CDH22: variants seen among roughly 807,000 people sequenced by gnomAD.
CDH22 encodes cadherin 22.
Under a neutral mutation model 58.4 loss-of-function variants are expected in CDH22, and 30 were observed. The observed-to-expected ratio is 0.51, with a 90% CI of 0.38 to 0.70. The LOEUF (loss-of-function observed/expected upper bound fraction) is 0.70. Ranked by LOEUF, CDH22 falls within the 30% of genes least tolerant of loss-of-function variation. CDH22 has a pLI of 0.00. For missense variants in CDH22, 1,014 were observed against 1,233.9 expected (o/e 0.82, Z 2.67); for synonymous variants, 513 against 558.2 (o/e 0.92, Z 1.14).
chr20:46,277,667 G>T, intron 1 of CDH22, among the ~76,000 whole-genome samples: 1 of 151,978 alleles, frequency 6.6e-6, no homozygotes, highest in Admixed American at 6.5e-5. Context: ...AGGAGGGCCC[G>T]CCCCCCACTG....
chr20:46,299,566 A>C (rs1418067673), intron 1 of CDH22, among the ~76,000 whole-genome samples: 2 of 152,248 alleles, frequency 1.3e-5, no homozygotes, highest in Admixed American at 6.5e-5. Context: ...AAGGGAAAAC[A>C]ATAAGGGCAC....
intron 1 of CDH22, among the ~76,000 whole-genome samples, chr20:46,262,310 G>A (rs934157695): frequency 2.0e-5 from 3 of 152,074 alleles, no homozygotes; most frequent in Non-Finnish European, 4.4e-5. Context: ...AAAGGTGGAA[G>A]GTCAGGGGAG....
intron 2 of CDH22, among the ~76,000 whole-genome samples, chr20:46,249,111 T>C (rs1022528922): frequency 7.9e-5 from 12 of 152,240 alleles, no homozygotes; most frequent in Non-Finnish European, 4.4e-5. Flanking sequence ...GCCCCTGTTT[T>C]TACAGATGAA....
At position 46,210,351 on chromosome 20, in the gene CDH22, G is replaced by A. The variant is rs1420297759; in HGVS notation, c.1242C>T (p.Gly414=). ...QEDAQVGSLV[G]VVTARDPDAA... ...CGTCGGGGTCCCGCGCCGTCACCAC[G>A]CCGACCAGGGAGCCCACCTGCGCGT... The change falls in exon 7 of 12, where the codon GGC becomes GGT. Residue 414 remains glycine, a synonymous_variant. Transcript: ENST00000537909. This position sits in a 1 kb window ranked among gnomAD's most constrained non-coding sequence, Gnocchi z 4.5. The A allele has an allele frequency of 2.1e-5, 31 of 1,467,414 alleles. No homozygotes were observed. The highest frequency in any genetic ancestry group is 9.8e-5 in the Admixed American group (4 of 40,988). The allele number at this position is 1,467,414 out of a possible 1,614,324, so 90.9% of individuals were successfully genotyped here. A position where few individuals can be genotyped will look rare whatever the true frequency, so the allele number is the denominator to read the frequency against.
intron 4 of CDH22, among the ~76,000 whole-genome samples, chr20:46,220,248 C>T (rs1447719223): frequency 1.3e-5 from 2 of 150,896 alleles, no homozygotes; most frequent in Non-Finnish European, 3.0e-5. Flanking sequence ...CAGAAAGAGA[C>T]AGTAAGAGAG....
intron 3 of CDH22, among the ~76,000 whole-genome samples, chr20:46,240,166 A>G (rs2086279587): frequency 6.6e-6 from 1 of 151,828 alleles, no homozygotes; most frequent in Non-Finnish European, 1.5e-5. Flanking sequence ...TGCCTGTCTC[A>G]TTCATCTGCC....
At chr20:46,237,454 C>T (rs190172641) in intron 3 of CDH22, among the ~76,000 whole-genome samples, 1 of 152,336 alleles carries the variant, frequency 6.6e-6, no homozygotes, top group East Asian at 1.9e-4. Context: ...TTGTCGGCCC[C>T]GCCCTCCACA....
At chr20:46,303,184 A>C (rs2086659713) in intron 1 of CDH22, among the ~76,000 whole-genome samples, 1 of 151,898 alleles carries the variant, frequency 6.6e-6, no homozygotes, top group Non-Finnish European at 1.5e-5. Flanking sequence ...CCTGAACCCC[A>C]ACCTCTGTGT....
At chr20:46,270,752 A>G (rs563183278) in intron 1 of CDH22, among the ~76,000 whole-genome samples, 2 of 152,320 alleles carry the variant, frequency 1.3e-5, no homozygotes, top group African/African-American at 4.8e-5. Context: ...TCCAAGGAGA[A>G]GTCCAGGCTG....
intron 8 of CDH22, among the ~76,000 whole-genome samples, chr20:46,197,937 TG>T (rs1477699285): frequency 2.9e-4 from 44 of 151,926 alleles, no homozygotes; most frequent in African/African-American, 9.9e-4. Flanking sequence ...AGGAGGGGCC[TG>T]GGGCAGAGGG....
At chr20:46,225,575 G>A (rs2086165318) in intron 4 of CDH22, among the ~76,000 whole-genome samples, 1 of 152,174 alleles carries the variant, frequency 6.6e-6, no homozygotes, top group African/African-American at 2.4e-5. Context: ...TGGTTGCCTT[G>A]GGGATACAGA....
chr20:46,283,024 C>T (rs536704004), intron 1 of CDH22, among the ~76,000 whole-genome samples: 1 of 152,364 alleles, frequency 6.6e-6, no homozygotes, highest in Non-Finnish European at 1.5e-5. Flanking sequence ...GTGCAGCTCT[C>T]GCCTCTTCCT....
chr20:46,212,508 T>A (rs975110507), intron 6 of CDH22, among the ~76,000 whole-genome samples: 7 of 152,220 alleles, frequency 4.6e-5, no homozygotes, highest in Non-Finnish European at 7.3e-5. Flanking sequence ...GGAAGGCTGT[T>A]AGACTCAGGA....
chr20:46,180,877 G>A (rs1418887072), intron 10 of CDH22, among the ~76,000 whole-genome samples: 2 of 151,622 alleles, frequency 1.3e-5, no homozygotes, highest in Admixed American at 1.3e-4. Context: ...AGGACTACAG[G>A]TATGCACCAC....
intron 1 of CDH22, among the ~76,000 whole-genome samples, chr20:46,252,869 T>C (rs2086387233): frequency 6.6e-6 from 1 of 152,190 alleles, no homozygotes; most frequent in Admixed American, 6.5e-5. Flanking sequence ...GGGAAGGGAC[T>C]GAGCTCGGGT....
chr20:46,176,422 G>A (rs2085739818), intron 11 of CDH22, among the ~76,000 whole-genome samples: 1 of 152,172 alleles, frequency 6.6e-6, no homozygotes, highest in Non-Finnish European at 1.5e-5. Flanking sequence ...TCAGTGTTAG[G>A]AACCCCGACT....
chr20:46,268,359 G>A (rs1042713531), intron 1 of CDH22, among the ~76,000 whole-genome samples: 13 of 152,256 alleles, frequency 8.5e-5, no homozygotes, highest in South Asian at 4.1e-4. Flanking sequence ...GCCACCGCCT[G>A]CCTCGCAGCT....
chr20:46,181,022 T>C (rs1178844227), intron 10 of CDH22, among the ~76,000 whole-genome samples: 1 of 150,760 alleles, frequency 6.6e-6, no homozygotes, highest in Non-Finnish European at 1.5e-5. Context: ...GGGCTCCTCC[T>C]GCCTCAGCCT....
At chr20:46,282,930 A>T (rs912976101) in intron 1 of CDH22, among the ~76,000 whole-genome samples, 32 of 152,148 alleles carry the variant, frequency 2.1e-4, no homozygotes, top group African/African-American at 2.4e-5. Context: ...AAAGCTAGGG[A>T]CAGGAGTGGG....
Sources: gnomAD v4.1 joint callset for allele counts (sites outside exome capture counted in the v4.1 genomes callset) on GRCh38, gnomAD v4.1.1 for gene constraint, Gnocchi (gnomAD v3.1) non-coding constraint, MANE v1.5 for transcripts, NCBI Gene and HGNC (gene_info 2026-07-23, HGNC 2026-07-21) for gene names.